CTIF: variants seen among roughly 807,000 people sequenced by gnomAD.
CTIF encodes the protein CBP80/20-dependent translation initiation factor.
In CTIF, 21 loss-of-function variants were observed where a neutral mutation model predicts 66.0. The ratio of observed to expected loss-of-function variants is 0.32; its 90% confidence interval spans 0.23 to 0.46. The LOEUF (loss-of-function observed/expected upper bound fraction) is 0.46, where lower values mean the gene tolerates loss of function less well. CTIF is among the 20% of genes least tolerant of loss of function. The pLI is 1.00. For missense variants in CTIF, 739 were observed against 812.7 expected (o/e 0.91, Z 1.10); for synonymous variants, 345 against 326.4 (o/e 1.06, Z -0.62).
At chr18:48,829,571 C>T (rs2068648267) in intron 10 of CTIF, among the ~76,000 whole-genome samples, 1 of 152,234 alleles carries the variant, frequency 6.6e-6, no homozygotes, top group Non-Finnish European at 1.5e-5. Context: ...CCAGAGTGGG[C>T]CCCCGCCTTG....
At chr18:48,766,582 T>C (rs1177321221) in intron 9 of CTIF, among the ~76,000 whole-genome samples, 1 of 152,228 alleles carries the variant, frequency 6.6e-6, no homozygotes, top group African/African-American at 2.4e-5. Context: ...GGGCATTCGT[T>C]AGCCAGGGTG....
chr18:48,548,872 A>C (rs1421949665), intron 1 of CTIF, among the ~76,000 whole-genome samples: 1 of 152,256 alleles, frequency 6.6e-6, no homozygotes, highest in African/African-American at 2.4e-5. Context: ...CCTGCTGCCC[A>C]TCTGCCCATC....
chr18:48,563,860 G>A (rs1291733794), intron 1 of CTIF, among the ~76,000 whole-genome samples: 1 of 152,212 alleles, frequency 6.6e-6, no homozygotes, highest in Non-Finnish European at 1.5e-5. Context: ...ATTGAGTGGG[G>A]TGGGGTCTTC....
intron 10 of CTIF, among the ~76,000 whole-genome samples, chr18:48,856,875 A>G (rs2069339500): frequency 6.6e-6 from 1 of 152,240 alleles, no homozygotes; most frequent in Admixed American, 6.5e-5. Context: ...GCACTGCATT[A>G]TATACTTTAA....
chr18:48,580,296 A>C (rs535772192), intron 1 of CTIF, among the ~76,000 whole-genome samples: 1 of 152,294 alleles, frequency 6.6e-6, no homozygotes, highest in Non-Finnish European at 1.5e-5. Flanking sequence ...AGGAGGGTCA[A>C]TGACACATCT....
At chr18:48,835,325 C>A (rs916939330) in intron 10 of CTIF, among the ~76,000 whole-genome samples, 2 of 152,198 alleles carry the variant, frequency 1.3e-5, no homozygotes, top group African/African-American at 4.8e-5. Flanking sequence ...CTCCAGACAA[C>A]ATGTGTGGCC....
intron 9 of CTIF, among the ~76,000 whole-genome samples, chr18:48,812,142 T>G (rs867846536): frequency 6.6e-6 from 1 of 152,270 alleles, no homozygotes; most frequent in Middle Eastern, 3.4e-3. Context: ...TTTTATATTT[T>G]TAGTAGAGGC....
chr18:48,632,689 C>G (rs541385588), intron 2 of CTIF, among the ~76,000 whole-genome samples: 218 of 152,302 alleles, frequency 1.4e-3, no homozygotes, highest in Middle Eastern at 3.4e-3. Flanking sequence ...CCTGTTGCCC[C>G]TCTTGGGCAC....
intron 1 of CTIF, among the ~76,000 whole-genome samples, chr18:48,603,996 AT>A (rs2144188888): frequency 6.8e-6 from 1 of 147,216 alleles, no homozygotes; most frequent in South Asian, 2.2e-4. Flanking sequence ...CTACAGGCAC[AT>A]GCCGCCATGC....
At chr18:48,584,923 C>A (rs1015463704) in intron 1 of CTIF, among the ~76,000 whole-genome samples, 90 of 152,330 alleles carry the variant, frequency 5.9e-4, no homozygotes, top group African/African-American at 2.1e-3. Flanking sequence ...AATGTTTATA[C>A]CCCTATAATC....
chr18:48,615,676 G>T (rs776851379), intron 1 of CTIF, among the ~76,000 whole-genome samples: 1 of 152,238 alleles, frequency 6.6e-6, no homozygotes, highest in Non-Finnish European at 1.5e-5. Context: ...GAGGGCAGCC[G>T]CATGGGGCGC....
At chr18:48,843,394 G>GC (rs1433037078) in intron 10 of CTIF, among the ~76,000 whole-genome samples, 1 of 152,160 alleles carries the variant, frequency 6.6e-6, no homozygotes, top group African/African-American at 2.4e-5. Context: ...GCGGAGTGGG[G>GC]AGGGCTTGCA....
rs745825021 is a variant in CTIF, at chr18:48,859,520, G to T, written c.1758G>T (p.Thr586=). 1.2e-6 allele frequency: 2 copies of T among 1,614,000 alleles called. No individual in the cohort carries two copies. The highest frequency in any genetic ancestry group is 1.3e-5 in the African/African-American group (1 of 74,930). Residue 586 remains threonine (T), a synonymous_variant, in exon 12 of 12, where the codon ACG becomes ACT. Coordinates refer to ENST00000256413, the MANE Select transcript of CTIF (RefSeq NM_014772.3). ...GGAACCCTCTGACGCCCCCCATCAC[G>T]CAGTACTACAACAGAACCATCCAGA... The part of the protein sequence containing the change: ...NSWNPLTPPI[T]QYYNRTIQKL...
At chr18:48,838,838 GGCA>G (rs1227120370) in intron 10 of CTIF, among the ~76,000 whole-genome samples, 1 of 152,170 alleles carries the variant, frequency 6.6e-6, no homozygotes, top group Non-Finnish European at 1.5e-5. Flanking sequence ...CAGATTCAAG[GGCA>G]GCAGCAGCCC....
At chr18:48,622,538 G>A (rs545091714) in intron 2 of CTIF, among the ~76,000 whole-genome samples, 1 of 152,274 alleles carries the variant, frequency 6.6e-6, no homozygotes, top group East Asian at 1.9e-4. Context: ...GTGGTGGCTG[G>A]GTGGCCTGGC....
At chr18:48,794,954 G>A (rs947137921) in intron 9 of CTIF, among the ~76,000 whole-genome samples, 1 of 152,124 alleles carries the variant, frequency 6.6e-6, no homozygotes, top group African/African-American at 2.4e-5. Flanking sequence ...GGGTGGGTGA[G>A]TAGATGGATA....
intron 6 of CTIF, among the ~76,000 whole-genome samples, chr18:48,695,162 C>A (rs2091987420): frequency 6.6e-6 from 1 of 152,222 alleles, no homozygotes; most frequent in Admixed American, 6.5e-5. Context: ...TCTGGCACAA[C>A]CCAGTTACAG....
At chr18:48,599,690 G>A (rs1023720098) in intron 1 of CTIF, among the ~76,000 whole-genome samples, 2 of 152,242 alleles carry the variant, frequency 1.3e-5, no homozygotes, top group Non-Finnish European at 1.5e-5. Context: ...TTCCTGCTCA[G>A]CTGGCCTCTG....
intron 1 of CTIF, among the ~76,000 whole-genome samples, chr18:48,552,805 G>C (rs2088916048): frequency 6.6e-6 from 1 of 152,202 alleles, no homozygotes; most frequent in South Asian, 2.1e-4. Flanking sequence ...GTCACACACA[G>C]GGATTGGCAG....
Sources: gnomAD v4.1 joint callset for allele counts (sites outside exome capture counted in the v4.1 genomes callset) on GRCh38, gnomAD v4.1.1 for gene constraint, MANE v1.5 for transcripts, NCBI Gene and HGNC (gene_info 2026-07-23, HGNC 2026-07-21) for gene names.